Variants in MEF2A observed in about 807,000 individuals in gnomAD.
MEF2A encodes myocyte-specific enhancer factor 2A.
MEF2A carries 28 observed loss-of-function variants against 55.8 expected under a neutral mutation model. That is an observed-to-expected ratio of 0.50 (90% CI 0.37 to 0.69). The LOEUF is 0.69. Among genes scored for constraint, MEF2A ranks in the 30% least tolerant of loss-of-function variants. The pLI is 0.00. For synonymous variants in MEF2A, 239 were observed against 227.1 expected (o/e 1.05, Z -0.47); for missense variants, 528 against 626.2 (o/e 0.84, Z 1.67).
At chr15:99,665,255 A>G (rs118041816) in intron 4 of MEF2A, among the ~76,000 whole-genome samples, 1,974 of 152,318 alleles carry the variant, frequency 0.013, 21 homozygotes, top group Middle Eastern at 0.058. Flanking sequence ...TTAAATTGGT[A>G]TGGAAATTTT....
chr15:99,709,967 C>CT (rs2058444229), intron 10 of MEF2A, among the ~76,000 whole-genome samples: 1 of 152,194 alleles, frequency 6.6e-6, no homozygotes, highest in Admixed American at 6.5e-5. Context: ...GTCCCCTATT[C>CT]CCTGTCCCCC....
chr15:99,699,576 T>C (rs1057156968), intron 8 of MEF2A, among the ~76,000 whole-genome samples: 3 of 152,184 alleles, frequency 2.0e-5, no homozygotes, highest in Admixed American at 2.0e-4. Context: ...GAGCCCAAGA[T>C]GGAATGCATA....
chr15:99,711,037 G>A (rs2058584580), intron 11 of MEF2A, among the ~76,000 whole-genome samples: 1 of 152,140 alleles, frequency 6.6e-6, no homozygotes. Flanking sequence ...GGATCTGAAG[G>A]GGTCTGAAGG....
intron 2 of MEF2A, among the ~76,000 whole-genome samples, chr15:99,623,888 A>G (rs544822196): frequency 4.2e-4 from 63 of 151,240 alleles, no homozygotes; most frequent in African/African-American, 1.4e-3. Context: ...GCTCACTGCA[A>G]TCTCCGCTTC....
chr15:99,601,807 T>TTG lies in MEF2A; in HGVS notation c.-143+3346_-143+3347dup, dbSNP rs56729766. On this transcript the variant is annotated intron_variant, in intron 2 of 11. Coordinates refer to ENST00000557942, the MANE Select transcript of MEF2A (RefSeq NM_001319206.4). ...CATTGGATTGTAGTTTTTGTCTGTTTTGTGTGTGTGTGTGTGTGTGTGTGT... is the reference window on the plus strand; with the variant it reads ...CATTGGATTGTAGTTTTTGTCTGTTTTGTGTGTGTGTGTGTGTGTGTGTGTGT... Among the ~76,000 whole-genome samples, 781 of 138,896 alleles carry TTG rather than the reference T, an allele frequency of 5.6e-3. 11 individuals carry two copies. The highest frequency in any genetic ancestry group is 0.02 in the African/African-American group (744 of 36,692). The allele number at this position is 138,896 out of a possible 152,430, so 91.1% of individuals were successfully genotyped here.
intron 2 of MEF2A, among the ~76,000 whole-genome samples, chr15:99,619,555 CCT>C (rs2040789518): frequency 6.6e-6 from 1 of 152,018 alleles, no homozygotes; most frequent in Non-Finnish European, 1.5e-5. Flanking sequence ...GCAGCAGGGC[CCT>C]AGAAAACCTT....
In MEF2A at chr15:99,596,838, G is replaced by A. The variant is rs965195874; in HGVS notation, c.-224-1592G>A. Among the ~76,000 whole-genome samples, 7 of 152,176 alleles carry A rather than the reference G, an allele frequency of 4.6e-5. No homozygotes were observed. The East Asian group carries it at 9.6e-4, about 21-fold the overall frequency. ...TTGAGCAGTGTTCACTAGTTGTTGC[G>A]AGAAGTCAGGGACCCCAAACGGAGG... On this transcript the variant is annotated intron_variant, in intron 1 of 11. Coordinates refer to ENST00000557942, the MANE Select transcript of MEF2A (RefSeq NM_001319206.4).
Position 99,714,743 on chromosome 15 carries a change from A to G in MEF2A, c.*1972A>G, listed in dbSNP as rs570279088. 2 of 151,826 alleles carry G rather than the reference A, an allele frequency of 1.3e-5. No individual in the cohort carries two copies. Among genetic ancestry groups the G allele is most frequent in the East Asian group, 1.9e-4 (1 of 5,172 alleles). 9.4% of individuals were successfully genotyped at this position (151,826 alleles called of 1,614,324 possible). On this transcript the variant is annotated 3_prime_UTR_variant, in exon 12 of 12. Coordinates refer to ENST00000557942, the MANE Select transcript of MEF2A (RefSeq NM_001319206.4). ...AAAACTCAAGGGTTTAAAAATTGCT[A>G]TTTTATATTTTAAATGATATTGAGC...
At chr15:99,703,466 T>A (rs1408427343) in intron 9 of MEF2A, 81 bp downstream of exon 9, 1 of 1,415,588 alleles carries the variant, frequency 7.1e-7, no homozygotes, top group African/African-American at 1.4e-5. Context: ...ATCTAACCAA[T>A]GTTCCCTTTG....
At chr15:99,588,723 G>A (rs554226124) in intron 1 of MEF2A, among the ~76,000 whole-genome samples, 1 of 151,830 alleles carries the variant, frequency 6.6e-6, no homozygotes, top group African/African-American at 2.4e-5. Flanking sequence ...AGTTATAGCC[G>A]TGAGCCACTG....
chr15:99,623,525 A>C (rs2041583373), intron 2 of MEF2A, among the ~76,000 whole-genome samples: 1 of 152,246 alleles, frequency 6.6e-6, no homozygotes, highest in South Asian at 2.1e-4. Context: ...AGAACAGTGC[A>C]CAAGTGTTCC....
At chr15:99,649,561 TTTAA>T (rs2046510014) in intron 4 of MEF2A, among the ~76,000 whole-genome samples, 1 of 152,194 alleles carries the variant, frequency 6.6e-6, no homozygotes, top group Non-Finnish European at 1.5e-5. Flanking sequence ...AATGTAGTAA[TTTAA>T]TTTAAATGTA....
At chr15:99,620,039 T>C (rs1237952454) in intron 2 of MEF2A, among the ~76,000 whole-genome samples, 1 of 152,254 alleles carries the variant, frequency 6.6e-6, no homozygotes, top group African/African-American at 2.4e-5. Flanking sequence ...TTAGTTCTTG[T>C]TTTGTAGTAA....
At chr15:99,710,381 T>C (rs962188332) in intron 10 of MEF2A, among the ~76,000 whole-genome samples, 2 of 152,198 alleles carry the variant, frequency 1.3e-5, no homozygotes, top group African/African-American at 4.8e-5. Context: ...TAGCTGGGAC[T>C]ACAGGCATGC....
At chr15:99,635,487 A>G (rs142528135) in intron 3 of MEF2A, among the ~76,000 whole-genome samples, 1 of 152,182 alleles carries the variant, frequency 6.6e-6, no homozygotes, top group African/African-American at 2.4e-5. Context: ...ATTAAGAAAA[A>G]TTCAGAAATC....
At chr15:99,612,328 A>G (rs1011252001) in intron 2 of MEF2A, among the ~76,000 whole-genome samples, 2 of 151,910 alleles carry the variant, frequency 1.3e-5, no homozygotes, top group African/African-American at 4.8e-5. Flanking sequence ...GAGGCAGGAG[A>G]ATGGCATGAA....
chr15:99,683,890 C>T (rs1317915967), intron 7 of MEF2A, among the ~76,000 whole-genome samples: 1 of 151,982 alleles, frequency 6.6e-6, no homozygotes, highest in Non-Finnish European at 1.5e-5. Context: ...CCCCAAAGTC[C>T]ATTGTATCAT....
chr15:99,661,614 G>A (rs1442174992), intron 4 of MEF2A, among the ~76,000 whole-genome samples: 2 of 152,058 alleles, frequency 1.3e-5, no homozygotes, highest in Non-Finnish European at 2.9e-5. Flanking sequence ...GAACATCCAT[G>A]TGGCCTATAG....
chr15:99,571,169 A>C (rs1335352546), intron 1 of MEF2A, among the ~76,000 whole-genome samples: 2 of 151,038 alleles, frequency 1.3e-5, no homozygotes, highest in East Asian at 3.9e-4. Flanking sequence ...GGGTGATAGA[A>C]TGAGACTCCA....
Sources: allele counts gnomAD v4.1 joint callset (sites outside exome capture counted in the v4.1 genomes callset), GRCh38; gene constraint gnomAD v4.1.1; transcripts MANE v1.5; gene names NCBI Gene and HGNC (gene_info 2026-07-23, HGNC 2026-07-21).